The following COG5 variants were observed in gnomAD, a reference collection of about 807,000 sequenced individuals.
COG5 encodes the protein conserved oligomeric Golgi complex subunit 5.
A neutral mutation model predicts 110.4 loss-of-function variants in COG5; 86 were observed. That is an observed-to-expected ratio of 0.78 (90% CI 0.65 to 0.93). COG5 has a LOEUF of 0.93. Among genes scored for constraint, COG5 ranks in the 40% least tolerant of loss-of-function variants. COG5 has a pLI of 0.00. For missense variants in COG5, 1,077 were observed against 987.0 expected (o/e 1.09, Z -1.22); for synonymous variants, 360 against 334.6 (o/e 1.08, Z -0.83).
intron 3 of COG5, among the ~76,000 whole-genome samples, chr7:107,551,669 G>A (rs1217923854): frequency 6.6e-6 from 1 of 152,118 alleles, no homozygotes; most frequent in Non-Finnish European, 1.5e-5. Context: ...CCAGGCTGGA[G>A]GGCAGGGACA....
chr7:107,378,362 T>C (rs1182123866), intron 7 of COG5, among the ~76,000 whole-genome samples: 8 of 152,028 alleles, frequency 5.3e-5, no homozygotes. Flanking sequence ...GAATGCCTCT[T>C]CTCTTCCAGA....
chr7:107,395,880 C>A (rs1418922422), intron 7 of COG5, among the ~76,000 whole-genome samples: 1 of 151,998 alleles, frequency 6.6e-6, no homozygotes, highest in Non-Finnish European at 1.5e-5. Context: ...TTAAACCACT[C>A]CCCCTGGGTA....
At chr7:107,503,522 T>TC (rs755755294) in intron 6 of COG5, among the ~76,000 whole-genome samples, 5 of 152,164 alleles carry the variant, frequency 3.3e-5, no homozygotes, top group Non-Finnish European at 7.4e-5. Flanking sequence ...GGATTTTTTT[T>TC]CCCATTCGGT....
intron 19 of COG5, among the ~76,000 whole-genome samples, chr7:107,216,353 A>T (rs986058459): frequency 6.6e-6 from 1 of 152,224 alleles, no homozygotes; most frequent in Non-Finnish European, 1.5e-5. Context: ...CCAGATAGAA[A>T]GTTAATAAGG....
At chr7:107,409,136 T>C (rs1259175511) in intron 7 of COG5, among the ~76,000 whole-genome samples, 1 of 128,898 alleles carries the variant, frequency 7.8e-6, no homozygotes, top group African/African-American at 2.9e-5. Flanking sequence ...GAAAAGCATT[T>C]AGAATAAAAA....
At chr7:107,409,230 GAAA>G (rs11366303) in intron 7 of COG5, among the ~76,000 whole-genome samples, 1,507 of 104,976 alleles carry the variant, frequency 0.014, 35 homozygotes, top group African/African-American at 0.045. Flanking sequence ...CAACGTCAAG[GAAA>G]AAAAAAAAAA....
intron 5 of COG5, among the ~76,000 whole-genome samples, chr7:107,534,821 A>G (rs1801464506): frequency 6.6e-6 from 1 of 151,586 alleles, no homozygotes. Context: ...AAGCAGACCT[A>G]ATAGACATCT....
intron 6 of COG5, among the ~76,000 whole-genome samples, chr7:107,430,150 C>G (rs745500893): frequency 2.6e-5 from 4 of 151,960 alleles, no homozygotes; most frequent in Non-Finnish European, 4.4e-5. Flanking sequence ...GTCACTTGTG[C>G]TTTTGGTGTT....
In COG5 at chr7:107,203,286, A is replaced by AAAC; in HGVS notation, c.*227_*229dup. On this transcript the variant is annotated 3_prime_UTR_variant, in exon 22 of 22. Coordinates refer to ENST00000297135, the MANE Select transcript of COG5 (RefSeq NM_006348.5). The stretch of plus-strand genomic sequence containing the variant: ...CCTTGTACAAAAATCTGAAAGAGGA[A>AAAC]AACATCTTTCTGGAAAAATCAGGTC... 1.8e-6 allele frequency: 1 copy of AAAC among 554,240 alleles called. No individual in the cohort carries two copies. The allele number at this position is 554,240 out of a possible 1,614,324, so 34.3% of individuals were successfully genotyped here. A position where few individuals can be genotyped will look rare whatever the true frequency, so the allele number is the denominator to read the frequency against.
chr7:107,229,826 T>TG (rs1434781915), intron 19 of COG5, among the ~76,000 whole-genome samples: 2 of 143,898 alleles, frequency 1.4e-5, no homozygotes, highest in East Asian at 2.0e-4. Context: ...TAGATTCTTC[T>TG]GTTTTTTTTT....
intron 6 of COG5, among the ~76,000 whole-genome samples, chr7:107,509,624 C>A (rs917972483): frequency 1.8e-4 from 28 of 152,194 alleles, no homozygotes; most frequent in African/African-American, 4.3e-4. Context: ...AAATGAAGGA[C>A]AAAATGTTAA....
In COG5 at chr7:107,336,298, G is replaced by T. The variant is rs144412886; in HGVS notation, c.1027-11777C>A. ...GTGAAATACACCAAGCACAGAAACA[G>T]AAATATTGCATATTCTTACACTATG... On this transcript the variant is annotated intron_variant, in intron 10 of 21. Coordinates refer to ENST00000297135, the MANE Select transcript of COG5 (RefSeq NM_006348.5). 1.1e-3 allele frequency among the ~76,000 whole-genome samples: 169 copies of T among 152,270 alleles called. 1 individual carries two copies. Among genetic ancestry groups the T allele is most frequent in the Admixed American group, 0.011 (165 of 15,292 alleles).
Position 107,281,346 on chromosome 7 carries a change from T to G in COG5, c.1529A>C (p.Asn510Thr), listed in dbSNP as rs1314947216. 5 of 1,612,718 alleles carry G rather than the reference T, an allele frequency of 3.1e-6. No individual in the cohort carries two copies. The highest frequency in any genetic ancestry group is 4.2e-6 in the Non-Finnish European group (5 of 1,178,928). Residue 510 changes from asparagine to threonine, a missense_variant, in exon 14 of 22, where the codon AAT becomes ACT. By Grantham distance (65) the Asn-to-Thr change is moderately conservative. Coordinates refer to ENST00000297135, the MANE Select transcript of COG5 (RefSeq NM_006348.5). ...GTATAACTGGATGGTCTTTGCCACA[T>G]TTTTTGACACAGCTAATGTGAGGTT... ...DTNLTLAVSK[N>T]VAKTIQLYSV...
chr7:107,280,949 CA>C (rs1805115961), intron 14 of COG5, among the ~76,000 whole-genome samples: 1 of 151,628 alleles, frequency 6.6e-6, no homozygotes, highest in African/African-American at 2.4e-5. Context: ...AGTGGTCACA[CA>C]AAAGGGAAAA....
At chr7:107,351,205 G>T (rs1352753746) in intron 10 of COG5, among the ~76,000 whole-genome samples, 1 of 152,082 alleles carries the variant, frequency 6.6e-6, no homozygotes, top group Admixed American at 6.5e-5. Flanking sequence ...ACAAGCAATG[G>T]GGAAAGGATT....
At chr7:107,335,541 T>C (rs1220740091) in intron 10 of COG5, among the ~76,000 whole-genome samples, 2 of 151,834 alleles carry the variant, frequency 1.3e-5, no homozygotes, top group Admixed American at 6.6e-5. Flanking sequence ...CAAAATACAG[T>C]AAGAAAGGGA....
At chr7:107,529,025 A>T (rs867374871) in intron 5 of COG5, among the ~76,000 whole-genome samples, 3 of 40,540 alleles carry the variant, frequency 7.4e-5, no homozygotes, top group African/African-American at 3.6e-4. Context: ...ATACTTAAAT[A>T]AAAAAAAAAA....
chr7:107,258,317 C>T lies in COG5; in HGVS notation c.1642G>A (p.Ala548Thr), dbSNP rs1219441965. The T allele has an allele frequency of 6.2e-7, 1 of 1,613,044 alleles. No individual in the cohort carries two copies. The highest frequency in any genetic ancestry group is 1.1e-5 in the South Asian group (1 of 91,052). The change falls in exon 15 of 22, where the codon GCA becomes ACA. Residue 548 changes from alanine to threonine, a missense_variant. Coordinates refer to ENST00000297135, the MANE Select transcript of COG5 (RefSeq NM_006348.5). ...PLTEGQRRNV[A>T]VVNSLYKLHQ... The stretch of plus-strand genomic sequence containing the variant: ...AACTTATACAATGAATTCACTACTG[C>T]CACATTTCTTCTCTGTCCTTCAGTA...
chr7:107,209,556 G>C (rs1799013796), intron 21 of COG5: 1 of 157,188 alleles, frequency 6.4e-6, no homozygotes, highest in Non-Finnish European at 1.4e-5. Context: ...CCAAGGCAGA[G>C]GCAGGATGAG....
Sources: gnomAD v4.1 joint callset for allele counts (sites outside exome capture counted in the v4.1 genomes callset) on GRCh38, gnomAD v4.1.1 for gene constraint, MANE v1.5 for transcripts, NCBI Gene and HGNC (gene_info 2026-07-23, HGNC 2026-07-21) for gene names.